Variants in SLC7A8 observed in about 807,000 individuals in gnomAD.
SLC7A8 encodes the protein large neutral amino acids transporter small subunit 2.
A neutral mutation model predicts 51.2 loss-of-function variants in SLC7A8; 30 were observed. The ratio of observed to expected loss-of-function variants is 0.59; its 90% CI spans 0.44 to 0.80. SLC7A8 has a LOEUF of 0.80. Among genes scored for constraint, SLC7A8 ranks in the 30% least tolerant of loss-of-function variants. SLC7A8 has a pLI of 0.00. For missense variants in SLC7A8, 612 were observed against 674.4 expected (o/e 0.91, Z 1.03); for synonymous variants, 257 against 275.8 (o/e 0.93, Z 0.67).
At position 23,127,134 on chromosome 14, in the gene SLC7A8, T is replaced by G; in HGVS notation, c.*43A>C. On this transcript the variant is annotated 3_prime_UTR_variant, in exon 11 of 11. Transcript: ENST00000316902. ...GCAGGACCAAGGCAGGGAGGTAGGA[T>G]AAAAGGGGGAGGAAGGAGAGAGTAG... 6.2e-7 allele frequency: 1 copy of G among 1,610,010 alleles called. No individual in the cohort carries two copies. Among genetic ancestry groups the G allele is most frequent in the African/African-American group, 1.3e-5 (1 of 74,898 alleles).
chr14:23,164,285 G>C (rs1040602551), intron 3 of SLC7A8, among the ~76,000 whole-genome samples: 4 of 152,202 alleles, frequency 2.6e-5, no homozygotes, highest in African/African-American at 9.6e-5. Flanking sequence ...GACAAGTTGA[G>C]GTAGAAGTAG....
intron 1 of SLC7A8, among the ~76,000 whole-genome samples, chr14:23,167,439 C>T (rs1024352663): frequency 6.6e-6 from 1 of 152,114 alleles, no homozygotes; most frequent in Non-Finnish European, 1.5e-5. Context: ...ATCTAGAAGT[C>T]AGTCTCCTGA....
intron 3 of SLC7A8, among the ~76,000 whole-genome samples, chr14:23,164,068 G>C (rs981275439): frequency 6.6e-6 from 1 of 151,862 alleles, no homozygotes. Context: ...GAACTCCCAG[G>C]GTCAATCGAC....
chr14:23,169,969 C>T (rs1209795773), intron 1 of SLC7A8, among the ~76,000 whole-genome samples: 1 of 152,140 alleles, frequency 6.6e-6, no homozygotes, highest in Non-Finnish European at 1.5e-5. Flanking sequence ...ACTTCATAGG[C>T]AATGGGAATG....
At chr14:23,167,475 A>G (rs2048955658) in intron 1 of SLC7A8, among the ~76,000 whole-genome samples, 1 of 152,026 alleles carries the variant, frequency 6.6e-6, no homozygotes, top group African/African-American at 2.4e-5. Context: ...TCTTTCCACT[A>G]ATCCACTTCT....
chr14:23,176,643 T>C (rs1353821063), intron 1 of SLC7A8, among the ~76,000 whole-genome samples: 1 of 152,072 alleles, frequency 6.6e-6, no homozygotes, highest in African/African-American at 2.4e-5. Flanking sequence ...AGCTTATAGC[T>C]CAGGAATTGG....
intron 7 of SLC7A8, among the ~76,000 whole-genome samples, chr14:23,135,484 C>T (rs1043370774): frequency 1.3e-5 from 2 of 150,942 alleles, no homozygotes; most frequent in East Asian, 2.0e-4. Flanking sequence ...GGGCGGATCA[C>T]GAGGTCAGGA....
chr14:23,129,927 C>G, intron 8 of SLC7A8, 128 bp from the exon 9 acceptor site: 1 of 982,494 alleles, frequency 1.0e-6, no homozygotes, highest in Non-Finnish European at 1.5e-6. Context: ...GAAATGGAGA[C>G]TTTAGAACCT....
In SLC7A8 at chr14:23,165,455, A is replaced by G. The variant is rs763409095; in HGVS notation, c.357-19T>C. ...CAGGAACCTGAAGGAGGAAAGGGAC[A>G]TCCGCCGAAAGGCATGGCAGGGACG... On this transcript the variant is annotated intron_variant, in intron 2 of 10. Transcript: ENST00000316902. This position sits in a 1 kb window ranked among gnomAD's most constrained non-coding sequence, Gnocchi z 4.2. The G allele has an allele frequency of 6.3e-7, 1 of 1,577,256 alleles. No individual in the cohort carries two copies. The highest frequency in any genetic ancestry group is 8.6e-7 in the Non-Finnish European group (1 of 1,166,204).
At chr14:23,129,893 A>G in intron 8 of SLC7A8, 94 bp from the exon 9 acceptor site, 5 of 1,386,336 alleles carry the variant, frequency 3.6e-6, no homozygotes, top group Non-Finnish European at 2.0e-6. Context: ...CAGGCAGATG[A>G]TGCCATCGTA....
At chr14:23,155,123 A>G in intron 3 of SLC7A8, 1 of 1,516,424 alleles carries the variant, frequency 6.6e-7, no homozygotes. Flanking sequence ...GCACGATAGT[A>G]ACATTTCCCC....
chr14:23,129,724 G>A lies in SLC7A8; in HGVS notation c.1189C>T (p.Leu397Phe). The A allele has an allele frequency of 6.2e-7, 1 of 1,614,212 alleles. No homozygotes were observed. Among genetic ancestry groups the A allele is most frequent in the Non-Finnish European group, 8.5e-7 (1 of 1,180,030 alleles). ...CCAGCAACCGTGACCCCATAGAAGAGGTAGTTGATGAAGCCCACATAGTTG... is the reference window on the plus strand; with the variant it reads ...CCAGCAACCGTGACCCCATAGAAGAAGTAGTTGATGAAGCCCACATAGTTG... ...LINYVGFINY[L>F]FYGVTVAGQI... Residue 397 changes from leucine (L) to phenylalanine (F), a missense_variant, in exon 9 of 11, where the codon CTC becomes TTC. By Grantham distance (22) the Leu-to-Phe change is conservative (BLOSUM62 0). Coordinates refer to ENST00000316902, the MANE Select transcript of SLC7A8 (RefSeq NM_012244.4).
At chr14:23,135,688 C>T (rs951018322) in intron 7 of SLC7A8, among the ~76,000 whole-genome samples, 5 of 145,056 alleles carry the variant, frequency 3.4e-5, no homozygotes, top group African/African-American at 7.8e-5. Flanking sequence ...GGCGACAGAG[C>T]GAGACTCTGC....
intron 3 of SLC7A8, 26 bp from the exon 4 acceptor site, chr14:23,143,230 C>A (rs767052584): frequency 7.4e-6 from 12 of 1,612,800 alleles, no homozygotes; most frequent in African/African-American, 2.7e-5. Context: ...CCCAAACAGA[C>A]CTTCAGGGGC....
intron 7 of SLC7A8, among the ~76,000 whole-genome samples, chr14:23,132,950 T>TA (rs143025407): frequency 0.24 from 35,683 of 150,590 alleles, 5,316 homozygotes; most frequent in Non-Finnish European, 0.32. Flanking sequence ...ATCTGCTTTT[T>TA]AAAAAAAAAA....
chr14:23,180,401 C>T (rs1049864458), intron 1 of SLC7A8, among the ~76,000 whole-genome samples: 1 of 152,106 alleles, frequency 6.6e-6, no homozygotes, highest in Non-Finnish European at 1.5e-5. Context: ...AACAGCAACT[C>T]GGGAGGGGAA....
intron 1 of SLC7A8, among the ~76,000 whole-genome samples, chr14:23,177,905 A>T (rs1876992914): frequency 6.6e-6 from 1 of 152,266 alleles, no homozygotes; most frequent in Non-Finnish European, 1.5e-5. Flanking sequence ...ATAAAAATGA[A>T]TAAGGACCTC....
At chr14:23,133,938 T>C (rs1163835158) in intron 7 of SLC7A8, among the ~76,000 whole-genome samples, 2 of 152,070 alleles carry the variant, frequency 1.3e-5, no homozygotes, top group African/African-American at 4.8e-5. Flanking sequence ...AAAACTATAA[T>C]GCAAATAATT....
chr14:23,127,824 C>T (rs760166406), intron 10 of SLC7A8, among the ~76,000 whole-genome samples, 195 bp downstream of exon 10: 6 of 152,150 alleles, frequency 3.9e-5, no homozygotes, highest in Non-Finnish European at 8.8e-5. Context: ...TGTGGAAATG[C>T]CAGCTGTTCT....
Sources: gnomAD v4.1 joint callset for allele counts (sites outside exome capture counted in the v4.1 genomes callset) on GRCh38, gnomAD v4.1.1 for gene constraint, Gnocchi (gnomAD v3.1) non-coding constraint, MANE v1.5 for transcripts, NCBI Gene and HGNC (gene_info 2026-07-23, HGNC 2026-07-21) for gene names.